The following ULK4 variants were observed in gnomAD, a reference collection of about 807,000 sequenced individuals.
ULK4 encodes inactive serine/threonine-protein kinase ULK4.
A neutral mutation model predicts 160.6 loss-of-function variants in ULK4; 133 were observed. That is an observed-to-expected ratio of 0.83 (90% confidence interval 0.72 to 0.96). The LOEUF is 0.96. Ranked by LOEUF, ULK4 falls within the 40% of genes least tolerant of loss-of-function variation. The pLI, the probability that ULK4 is intolerant of heterozygous loss-of-function variation, is 0.00. For missense variants in ULK4, 1,580 were observed against 1,499.5 expected, an observed-to-expected ratio of 1.05 and a Z score of -0.89; for synonymous variants, 534 against 539.8, an observed-to-expected ratio of 0.99 and a Z score of 0.15.
At chr3:41,679,416 T>A (rs367577673) in intron 29 of ULK4, among the ~76,000 whole-genome samples, 1 of 152,160 alleles carries the variant, frequency 6.6e-6, no homozygotes, top group African/African-American at 2.4e-5. Context: ...TACAACAGAA[T>A]CAGTCTGAAA....
chr3:41,489,285 T>G (rs9311278), intron 32 of ULK4, among the ~76,000 whole-genome samples: 1 of 152,002 alleles, frequency 6.6e-6, no homozygotes, highest in Non-Finnish European at 1.5e-5. Context: ...CATTAGATCA[T>G]CTATTCTCTG....
chr3:41,382,531 A>G (rs2081680685), intron 35 of ULK4, among the ~76,000 whole-genome samples: 1 of 152,202 alleles, frequency 6.6e-6, no homozygotes, highest in Non-Finnish European at 1.5e-5. Context: ...AAATGAATCT[A>G]TATTAAGTGG....
chr3:41,601,964 C>A (rs1274351738), intron 31 of ULK4, among the ~76,000 whole-genome samples: 3 of 152,068 alleles, frequency 2.0e-5, no homozygotes, highest in Non-Finnish European at 4.4e-5. Flanking sequence ...GAGGCCAAGG[C>A]AGGAGGATCT....
rs7638368 is a variant in ULK4, at chr3:41,443,261, T to C, written c.3492+12236A>G. On this transcript the variant is annotated intron_variant, in intron 34 of 36. Transcript: ENST00000301831. ...TCTTCTGTAACTCCACTTACATTCC[T>C]TTCAAATTTCACTTCCCACATTATC... is the stretch of plus-strand genomic sequence containing the variant. Among the ~76,000 whole-genome samples, 973 of 152,332 alleles carry C rather than the reference T, an allele frequency of 6.4e-3. 12 individuals are homozygous for C. Among genetic ancestry groups the C allele is most frequent in the African/African-American group, 0.022 (930 of 41,580 alleles).
intron 27 of ULK4, among the ~76,000 whole-genome samples, chr3:41,695,318 G>C (rs1044966421): frequency 2.6e-5 from 4 of 152,156 alleles, no homozygotes; most frequent in African/African-American, 9.7e-5. Context: ...TTCTTGGAAG[G>C]GCTAGAAGCT....
intron 2 of ULK4, among the ~76,000 whole-genome samples, chr3:41,950,168 C>A (rs1157014129): frequency 6.6e-6 from 1 of 151,916 alleles, no homozygotes; most frequent in African/African-American, 2.4e-5. Context: ...CTCACTGCGA[C>A]CCCTGCCATC....
rs562065017 is a variant in ULK4 at position 41,913,221 on chromosome 3, C to CTT, written c.804-324_804-323dup. ...CGGAGTCGATAAATAATTTGAAATT[C>CTT]TTTTTTTTTTTTTTTTTTTTTTGAG... On this transcript the variant is annotated intron_variant, in intron 8 of 36. Transcript: ENST00000301831. 1.2e-3 allele frequency: 115 copies of CTT among 99,830 alleles called. 1 individual carries two copies. Among genetic ancestry groups the CTT allele is most frequent in the Middle Eastern group, 4.9e-3 (1 of 206 alleles). 6.2% of individuals were successfully genotyped at this position (99,830 alleles called of 1,614,324 possible).
chr3:41,286,411 C>T (rs2079458375), intron 35 of ULK4, among the ~76,000 whole-genome samples: 1 of 152,052 alleles, frequency 6.6e-6, no homozygotes, highest in South Asian at 2.1e-4. Context: ...TTAGATATGT[C>T]CAGCCTAAGA....
intron 34 of ULK4, among the ~76,000 whole-genome samples, chr3:41,412,392 C>T (rs900718876): frequency 9.3e-5 from 13 of 139,324 alleles, no homozygotes; most frequent in Non-Finnish European, 1.1e-4. Context: ...ATACAAAATC[C>T]CCCAAGTTTT....
At chr3:41,485,484 T>C (rs1269271540) in intron 32 of ULK4, among the ~76,000 whole-genome samples, 1 of 152,228 alleles carries the variant, frequency 6.6e-6, no homozygotes, top group Non-Finnish European at 1.5e-5. Context: ...AAATTCTACC[T>C]TGAAAATAAA....
chr3:41,769,408 T>C (rs1421015908), intron 21 of ULK4, among the ~76,000 whole-genome samples: 2 of 152,200 alleles, frequency 1.3e-5, no homozygotes, highest in African/African-American at 4.8e-5. Context: ...CAAAACTGAC[T>C]TTAGAGAACC....
At chr3:41,254,419 A>G (rs551082053) in intron 35 of ULK4, among the ~76,000 whole-genome samples, 17 of 152,362 alleles carry the variant, frequency 1.1e-4, no homozygotes, top group Admixed American at 1.1e-3. Context: ...ATTCCAAGAA[A>G]AATTAGAAAA....
chr3:41,881,581 C>T (rs908486276), intron 17 of ULK4, among the ~76,000 whole-genome samples: 12 of 152,082 alleles, frequency 7.9e-5, no homozygotes, highest in African/African-American at 2.4e-4. Context: ...CACAAAGGAG[C>T]ACCTAGCTCA....
chr3:41,809,026 C>T (rs548509248), intron 19 of ULK4, among the ~76,000 whole-genome samples: 7 of 152,014 alleles, frequency 4.6e-5, no homozygotes, highest in East Asian at 1.9e-4. Context: ...ATTAGCCAGG[C>T]GTGGTGGTGC....
At chr3:41,518,823 C>G (rs758785178) in intron 32 of ULK4, among the ~76,000 whole-genome samples, 16 of 152,208 alleles carry the variant, frequency 1.1e-4, no homozygotes, top group Non-Finnish European at 1.8e-4. Context: ...TGAGCGTCAG[C>G]AGCCTAGACA....
At chr3:41,283,793 CAG>C (rs1452831000) in intron 35 of ULK4, among the ~76,000 whole-genome samples, 1 of 150,682 alleles carries the variant, frequency 6.6e-6, no homozygotes, top group Non-Finnish European at 1.5e-5. Flanking sequence ...AACAAACAAA[CAG>C]ACAAAAAAAA....
intron 34 of ULK4, among the ~76,000 whole-genome samples, chr3:41,400,547 C>G (rs1575514668): frequency 6.6e-6 from 1 of 152,244 alleles, no homozygotes; most frequent in East Asian, 1.9e-4. Context: ...TATTCCATGA[C>G]ATAGATGTAC....
intron 19 of ULK4, among the ~76,000 whole-genome samples, chr3:41,811,776 A>T (rs1381754413): frequency 6.6e-6 from 1 of 152,162 alleles, no homozygotes; most frequent in East Asian, 1.9e-4. Flanking sequence ...ATTCTACTCA[A>T]GAGGATATTG....
At chr3:41,733,901 A>AT (rs1159022007) in intron 22 of ULK4, among the ~76,000 whole-genome samples, 1 of 151,354 alleles carries the variant, frequency 6.6e-6, no homozygotes, top group Non-Finnish European at 1.5e-5. Context: ...CGCCCAGCTA[A>AT]TTTTTTTGTA....
Sources: allele counts gnomAD v4.1 joint callset (sites outside exome capture counted in the v4.1 genomes callset), GRCh38; gene constraint gnomAD v4.1.1; transcripts MANE v1.5; gene names NCBI Gene and HGNC (gene_info 2026-07-23, HGNC 2026-07-21).